The following TRPM5 variants were observed in gnomAD, a reference collection of about 807,000 sequenced individuals.
The protein encoded by TRPM5 is transient receptor potential cation channel subfamily M member 5.
A neutral mutation model predicts 124.9 loss-of-function variants in TRPM5; 121 were observed. The ratio of observed to expected loss-of-function variants is 0.97; its 90% CI spans 0.84 to 1.13. The LOEUF is 1.13. Ranked by LOEUF, TRPM5 falls within the 50% of genes most tolerant of loss-of-function variation. The pLI, the probability that TRPM5 is intolerant of heterozygous loss-of-function variation, is 0.00. For missense variants in TRPM5, 1,643 were observed against 1,589.1 expected (o/e 1.03, Z -0.58); for synonymous variants, 781 against 700.5 (o/e 1.11, Z -1.81).
intron 7 of TRPM5, among the ~76,000 whole-genome samples, chr11:2,417,134 C>T (rs1034343779): frequency 9.2e-5 from 14 of 152,112 alleles, no homozygotes; most frequent in Non-Finnish European, 1.8e-4. Flanking sequence ...AAGTGATGGT[C>T]GCCCCACCTC....
the TRPM5 span, among the ~76,000 whole-genome samples, chr11:2,429,391 TTGA>T: frequency 5.3e-5 from 8 of 149,578 alleles, no homozygotes; most frequent in African/African-American, 9.9e-5. The surrounding 1 kb of genome is among the most constrained non-coding windows in gnomAD (Gnocchi z 8.4). Flanking sequence ...TTGTGGTGTG[TTGA>T]TGGTGGTGTT....
intron 7 of TRPM5, among the ~76,000 whole-genome samples, chr11:2,417,102 G>A (rs530770480): frequency 5.3e-5 from 8 of 152,288 alleles, no homozygotes; most frequent in African/African-American, 1.7e-4. Context: ...CTGGGGCGAT[G>A]AAGGCTTCTG....
rs61735223 is a variant in TRPM5 at position 2,420,382 on chromosome 11, A to G, written c.489T>C (p.Pro163=). 5.0e-4 allele frequency: 812 copies of G among 1,611,974 alleles called. 3 individuals are homozygous for G. The African/African-American group carries it at 8.6e-3, about 17-fold the overall frequency. The change falls in exon 4 of 24, where the codon CCT becomes CCC. Residue 163 remains proline (P), a synonymous_variant. Coordinates refer to ENST00000155858, the Ensembl canonical transcript of TRPM5. ...GGCCCTGGCTGCCGCCGTCATCCTCAGGGTAGTGGACAGGAAAATCCTCCT... is the reference window on the plus strand; with the variant it reads ...GGCCCTGGCTGCCGCCGTCATCCTCGGGGTAGTGGACAGGAAAATCCTCCT...
chr11:2,439,937 A>G, the TRPM5 span, among the ~76,000 whole-genome samples: 1 of 152,372 alleles, frequency 6.6e-6, no homozygotes, highest in African/African-American at 2.4e-5. Context: ...CAAGGTGCCC[A>G]ACAGTGGTAG....
chr11:2,413,421 T>G (rs1850494786), intron 13 of TRPM5, 55 bp downstream of exon 18: 4 of 1,511,142 alleles, frequency 2.6e-6, no homozygotes, highest in Non-Finnish European at 3.6e-6. Context: ...TCCCCGTAGC[T>G]CCGGCACTCG....
chr11:2,411,586 G>A, intron 17 of TRPM5, 49 bp downstream of exon 22: 3 of 1,609,964 alleles, frequency 1.9e-6, no homozygotes, highest in Non-Finnish European at 2.5e-6. Flanking sequence ...GGCCCAGGCA[G>A]GGGATTGCTG....
At position 2,405,061 on chromosome 11, in the gene TRPM5, C is replaced by T. The variant is rs762625888; in HGVS notation, c.3392-18G>A. On this transcript the variant is annotated intron_variant, in intron 23 of 23. Transcript: ENST00000155858. ...CTGAGAGCCTGCTGGGAAGGAAGGC[C>T]CCCCTGAGCGGTGGGAACCAGCAAG... 1.2e-5 allele frequency: 20 copies of T among 1,606,158 alleles called. No individual in the cohort carries two copies. Among genetic ancestry groups the T allele is most frequent in the African/African-American group, 4.0e-5 (3 of 74,772 alleles).
At chr11:2,409,743 G>C (rs1488786466) in intron 18 of TRPM5, among the ~76,000 whole-genome samples, 1 of 152,176 alleles carries the variant, frequency 6.6e-6, no homozygotes, top group African/African-American at 2.4e-5. Flanking sequence ...TTGCAGCTCA[G>C]GGAGGGGAAG....
chr11:2,404,675 G>T, exon 24 of TRPM5: 3 of 510,006 alleles, frequency 5.9e-6, no homozygotes, highest in Non-Finnish European at 1.1e-5. Context: ...GTAGGGATGC[G>T]GTGGGGCACG....
At chr11:2,439,403 G>A in the TRPM5 span, among the ~76,000 whole-genome samples, 2 of 152,058 alleles carry the variant, frequency 1.3e-5, no homozygotes, top group African/African-American at 4.8e-5. Flanking sequence ...CTACAGAATG[G>A]GAGAAAATAT....
chr11:2,412,820 G>T (rs1850478733), exon 15 of TRPM5: 1 of 1,603,500 alleles, frequency 6.2e-7, no homozygotes, highest in Non-Finnish European at 8.5e-7. Context: ...GCCCTGAGGG[G>T]CCCTGGGGGG....
chr11:2,437,629 C>T, the TRPM5 span, among the ~76,000 whole-genome samples: 1 of 152,272 alleles, frequency 6.6e-6, no homozygotes. The surrounding 1 kb of genome is among the most constrained non-coding windows in gnomAD (Gnocchi z 5.6). Flanking sequence ...CTTGGGGACC[C>T]TCAGGACATT....
At chr11:2,428,756 AGGT>A in the TRPM5 span, among the ~76,000 whole-genome samples, 8 of 149,682 alleles carry the variant, frequency 5.3e-5, no homozygotes, top group African/African-American at 9.9e-5. The surrounding 1 kb of genome is among the most constrained non-coding windows in gnomAD (Gnocchi z 4.0). Context: ...GTGCTGATAA[AGGT>A]GGTGATGATG....
chr11:2,411,646 C>A (rs764011530), exon 17 of TRPM5: 7 of 1,612,192 alleles, frequency 4.3e-6, no homozygotes, highest in Non-Finnish European at 5.9e-6. Flanking sequence ...ATGCGCTCTA[C>A]CACGATGATC....
At chr11:2,421,073 G>T in exon 3 of TRPM5, 1 of 1,549,416 alleles carries the variant, frequency 6.5e-7, no homozygotes. Context: ...ACGCGGCCCA[G>T]CGAGGCCATG....
chr11:2,410,661 C>A (rs761548593), intron 18 of TRPM5: 12 of 453,114 alleles, frequency 2.6e-5, no homozygotes. Flanking sequence ...CTCTGACCCC[C>A]GCCCCCTCCC....
the TRPM5 span, among the ~76,000 whole-genome samples, chr11:2,439,038 T>C: frequency 6.6e-6 from 1 of 152,128 alleles, no homozygotes; most frequent in African/African-American, 2.4e-5. Context: ...CCTACAGTAA[T>C]CTGATCTTCA....
At chr11:2,410,614 C>T (rs1281493810) in intron 18 of TRPM5, 1 of 445,186 alleles carries the variant, frequency 2.2e-6, no homozygotes, top group African/African-American at 2.0e-5. Flanking sequence ...GAGCTCCCCA[C>T]CAACCCATCA....
Position 2,405,696 on chromosome 11 carries a change from C to T in TRPM5, c.3325-103G>A, listed in dbSNP as rs1280948320. 7.1e-6 allele frequency: 9 copies of T among 1,264,604 alleles called. No homozygotes were observed. The South Asian group carries it at 8.1e-5, about 11-fold the overall frequency. The allele number at this position is 1,264,604 out of a possible 1,614,324, so 78.3% of individuals were successfully genotyped here. On this transcript the variant is annotated intron_variant, in intron 22 of 23. Transcript: ENST00000155858. ...CTCTCCTGCCAGGGCCCCCGCTGCC[C>T]TGTGACTCCTCCCTCTGAGAGCTGC... is the stretch of plus-strand genomic sequence containing the variant.
Sources: gnomAD v4.1 joint callset for allele counts (sites outside exome capture counted in the v4.1 genomes callset) on GRCh38, gnomAD v4.1.1 for gene constraint, Gnocchi (gnomAD v3.1) non-coding constraint, MANE v1.5 for transcripts, NCBI Gene and HGNC (gene_info 2026-07-23, HGNC 2026-07-21) for gene names.